KCNH1: variants seen among roughly 807,000 people sequenced by gnomAD.
KCNH1 encodes the protein potassium voltage-gated channel subfamily H member 1.
Under a neutral mutation model 69.2 loss-of-function variants are expected in KCNH1, and 27 were observed. The observed-to-expected ratio is 0.39, with a 90% confidence interval of 0.29 to 0.54. The LOEUF (loss-of-function observed/expected upper bound fraction) is 0.54. Ranked by LOEUF, KCNH1 falls within the 20% of genes least tolerant of loss-of-function variation. KCNH1 has a pLI of 0.68. For synonymous variants in KCNH1, 456 were observed against 487.7 expected (o/e 0.93, Z 0.86); for missense variants, 798 against 1,261.6 (o/e 0.63, Z 5.57).
At chr1:210,962,788 T>C (rs1409321485) in intron 6 of KCNH1, among the ~76,000 whole-genome samples, 1 of 151,532 alleles carries the variant, frequency 6.6e-6, no homozygotes, top group East Asian at 1.9e-4. Flanking sequence ...ATAAGATTGC[T>C]AGATTTTATA....
At chr1:210,866,016 G>T (rs1296812888) in intron 7 of KCNH1, among the ~76,000 whole-genome samples, 1 of 152,034 alleles carries the variant, frequency 6.6e-6, no homozygotes, top group Non-Finnish European at 1.5e-5. Flanking sequence ...CTCAATGGGG[G>T]AATAAAAACT....
intron 7 of KCNH1, among the ~76,000 whole-genome samples, chr1:210,913,459 A>G (rs1355817203): frequency 6.6e-6 from 1 of 152,222 alleles, no homozygotes; most frequent in African/African-American, 2.4e-5. Flanking sequence ...TCTGAAAGTT[A>G]AATTTTCAAA....
chr1:210,722,602 T>C (rs1682497253), intron 10 of KCNH1, among the ~76,000 whole-genome samples: 1 of 152,190 alleles, frequency 6.6e-6, no homozygotes, highest in Non-Finnish European at 1.5e-5. Context: ...TTCATTGCTG[T>C]TATCCCTCAT....
At chr1:211,107,939 A>C (rs1691388808) in intron 1 of KCNH1, among the ~76,000 whole-genome samples, 2 of 152,194 alleles carry the variant, frequency 1.3e-5, no homozygotes, top group South Asian at 4.1e-4. Context: ...GAGGAATAGT[A>C]ACTAGACTCT....
At chr1:211,071,875 G>A (rs970784730) in intron 5 of KCNH1, among the ~76,000 whole-genome samples, 1 of 152,144 alleles carries the variant, frequency 6.6e-6, no homozygotes, top group Non-Finnish European at 1.5e-5. Flanking sequence ...CAACTTCTCA[G>A]AAACCATGCA....
At chr1:211,092,865 C>T (rs531154671) in intron 3 of KCNH1, among the ~76,000 whole-genome samples, 1 of 150,950 alleles carries the variant, frequency 6.6e-6, no homozygotes, top group Non-Finnish European at 1.5e-5. Flanking sequence ...AGCATTTTTT[C>T]AGATGATAAA....
At chr1:210,717,895 C>T (rs138190340) in intron 10 of KCNH1, among the ~76,000 whole-genome samples, 2,613 of 152,210 alleles carry the variant, frequency 0.017, 34 homozygotes, top group Middle Eastern at 0.034. Flanking sequence ...CACTTGAGAT[C>T]AAGAGCTTGA....
At chr1:210,818,297 G>T (rs925226813) in intron 7 of KCNH1, among the ~76,000 whole-genome samples, 4 of 152,100 alleles carry the variant, frequency 2.6e-5, no homozygotes, top group African/African-American at 9.7e-5. Flanking sequence ...GTCCATAACT[G>T]ACTTTAAAGA....
intron 7 of KCNH1, among the ~76,000 whole-genome samples, chr1:210,867,492 A>G (rs1334238615): frequency 6.6e-6 from 1 of 151,950 alleles, no homozygotes; most frequent in Non-Finnish European, 1.5e-5. Flanking sequence ...GGTACTGTGA[A>G]AAGCAATTAG....
rs1683079004 is a variant in KCNH1, at chr1:210,743,304, G to C, written c.2112+32044C>G. Reference sequence around the variant, plus strand: ...AGTGTCCTGAAAGAGGCCCTAGGGTGGGGGTGGTACAATGAAGGGGAGAGC... The same window carrying C: ...AGTGTCCTGAAAGAGGCCCTAGGGTCGGGGTGGTACAATGAAGGGGAGAGC... On this transcript the variant is annotated intron_variant, in intron 10 of 10. Transcript: ENST00000271751. Among the ~76,000 whole-genome samples, 2 of 152,160 alleles carry C rather than the reference G, an allele frequency of 1.3e-5. 1 individual carries two copies. The highest frequency in any genetic ancestry group is 4.1e-4 in the South Asian group (2 of 4,822).
chr1:210,999,773 C>T (rs1452316340), intron 6 of KCNH1, among the ~76,000 whole-genome samples: 2 of 152,184 alleles, frequency 1.3e-5, no homozygotes, highest in Non-Finnish European at 2.9e-5. Flanking sequence ...CAATAAAATA[C>T]TGGCAAACCA....
intron 2 of KCNH1, among the ~76,000 whole-genome samples, chr1:211,106,316 T>G (rs116077735): frequency 0.011 from 1,675 of 152,318 alleles, 15 homozygotes; most frequent in Middle Eastern, 0.027. Flanking sequence ...GAAGATGCTT[T>G]AAAAGAGCTT....
chr1:210,756,005 G>T (rs1024688483), intron 10 of KCNH1, among the ~76,000 whole-genome samples: 1 of 152,152 alleles, frequency 6.6e-6, no homozygotes, highest in African/African-American at 2.4e-5. Context: ...GAAAGGAGAG[G>T]TTGCCAGCGT....
At chr1:211,087,807 C>T (rs1356751704) in intron 4 of KCNH1, among the ~76,000 whole-genome samples, 2 of 152,100 alleles carry the variant, frequency 1.3e-5, no homozygotes, top group Admixed American at 6.5e-5. Flanking sequence ...CAGAGGCCTA[C>T]CTAGCTCATA....
At chr1:210,762,470 T>C (rs929538453) in intron 10 of KCNH1, among the ~76,000 whole-genome samples, 2 of 152,142 alleles carry the variant, frequency 1.3e-5, no homozygotes, top group Non-Finnish European at 2.9e-5. Flanking sequence ...ACAAGTTCGA[T>C]AGACCACTAG....
intron 7 of KCNH1, among the ~76,000 whole-genome samples, chr1:210,865,524 A>C (rs1027314413): frequency 2.0e-5 from 3 of 152,240 alleles, no homozygotes; most frequent in Non-Finnish European, 4.4e-5. Context: ...GCAAAGAAAA[A>C]AAAAAGGCAG....
intron 7 of KCNH1, among the ~76,000 whole-genome samples, chr1:210,864,751 GA>G (rs1686067490): frequency 6.6e-6 from 1 of 152,194 alleles, no homozygotes; most frequent in South Asian, 2.1e-4. Flanking sequence ...GAGAAATTTA[GA>G]AAAGGCCCAG....
intron 6 of KCNH1, among the ~76,000 whole-genome samples, chr1:210,990,240 A>G (rs1688913560): frequency 6.6e-6 from 1 of 152,212 alleles, no homozygotes; most frequent in Non-Finnish European, 1.5e-5. Context: ...GGTGAATTCA[A>G]TTGTAAATAT....
In KCNH1 at chr1:210,846,130, A is replaced by G. The variant is rs190115266; in HGVS notation, c.1463-41964T>C. Among the ~76,000 whole-genome samples the G allele has an allele frequency of 1.0e-3, 159 of 152,336 alleles. 1 individual carries two copies. Among genetic ancestry groups the G allele is most frequent in the African/African-American group, 3.2e-3 (132 of 41,578 alleles). ...CCATGCTCATGTGTAGGAAGAATCA[A>G]TATCATGAAAATGGCCGTACTTCCC... On this transcript the variant is annotated intron_variant, in intron 7 of 10. Coordinates refer to ENST00000271751, the MANE Select transcript of KCNH1 (RefSeq NM_172362.3).
Sources: allele counts gnomAD v4.1 joint callset (sites outside exome capture counted in the v4.1 genomes callset), GRCh38; gene constraint gnomAD v4.1.1; transcripts MANE v1.5; gene names NCBI Gene and HGNC (gene_info 2026-07-23, HGNC 2026-07-21).